The following CDKAL1 variants were observed in gnomAD, a reference collection of about 807,000 sequenced individuals.
CDKAL1 encodes CDKAL1 threonylcarbamoyladenosine tRNA methylthiotransferase.
Under a neutral mutation model 68.2 loss-of-function variants are expected in CDKAL1, and 32 were observed. The observed-to-expected ratio is 0.47, with a 90% CI of 0.35 to 0.63. CDKAL1 has a LOEUF of 0.63. CDKAL1 is among the 30% of genes least tolerant of loss of function. The pLI is 0.00. For missense variants in CDKAL1, 606 were observed against 696.7 expected, an observed-to-expected ratio of 0.87 and a Z score of 1.47; for synonymous variants, 234 against 244.3, an observed-to-expected ratio of 0.96 and a Z score of 0.39.
chr6:21,203,087 T>C (rs1431208962), intron 15 of CDKAL1, among the ~76,000 whole-genome samples: 2 of 152,090 alleles, frequency 1.3e-5, no homozygotes, highest in African/African-American at 4.8e-5. Context: ...TCTCCCTCTG[T>C]CACCCAGGCT....
At position 20,986,528 on chromosome 6, in the gene CDKAL1, G is replaced by GT. The variant is rs551098345; in HGVS notation, c.910-13691dup. ...TTTATGTGCACTACTTATTTTATGC[G>GT]TTTTTTTTCTAAGGGAATGGGACAG... On this transcript the variant is annotated intron_variant, in intron 10 of 15. Coordinates refer to ENST00000274695, the MANE Select transcript of CDKAL1 (RefSeq NM_017774.3). Among the ~76,000 whole-genome samples, 65 of 151,118 alleles carry GT rather than the reference G, an allele frequency of 4.3e-4. No homozygotes were observed. The East Asian group carries it at 7.4e-3, about 17-fold the overall frequency.
intron 9 of CDKAL1, among the ~76,000 whole-genome samples, chr6:20,885,568 G>A (rs532174335): frequency 3.8e-4 from 58 of 152,040 alleles, no homozygotes; most frequent in Middle Eastern, 6.8e-3. Flanking sequence ...GAAAACACAG[G>A]GGTAAATCTT....
At chr6:21,133,942 T>TTA (rs1775451369) in intron 13 of CDKAL1, among the ~76,000 whole-genome samples, 2 of 152,312 alleles carry the variant, frequency 1.3e-5, no homozygotes, top group East Asian at 1.9e-4. Context: ...CATATTTACT[T>TTA]TATATATATG....
chr6:20,779,439 A>C (rs1775317510), intron 7 of CDKAL1, among the ~76,000 whole-genome samples: 1 of 152,218 alleles, frequency 6.6e-6, no homozygotes, highest in African/African-American at 2.4e-5. Context: ...TGGTATGTGA[A>C]TAGAGATAGA....
chr6:20,547,491 T>C (rs1418791036), intron 3 of CDKAL1, among the ~76,000 whole-genome samples: 1 of 152,182 alleles, frequency 6.6e-6, no homozygotes, highest in African/African-American at 2.4e-5. Flanking sequence ...TACGCTATTA[T>C]AGTAGATCTC....
intron 11 of CDKAL1, among the ~76,000 whole-genome samples, chr6:21,053,230 G>A (rs1469409941): frequency 6.6e-6 from 1 of 152,168 alleles, no homozygotes; most frequent in African/African-American, 2.4e-5. Flanking sequence ...ATCACAATAA[G>A]CAATCCTTCG....
At chr6:20,696,825 A>G (rs1351790734) in intron 5 of CDKAL1, among the ~76,000 whole-genome samples, 1 of 152,138 alleles carries the variant, frequency 6.6e-6, no homozygotes, top group Non-Finnish European at 1.5e-5. Flanking sequence ...AGCTTTCCCC[A>G]GTTAGGACTT....
Position 21,170,168 on chromosome 6 carries a change from G to C in CDKAL1, c.1300-27853G>C, listed in dbSNP as rs114016485. Among the ~76,000 whole-genome samples the C allele has an allele frequency of 6.4e-3, 975 of 152,324 alleles. 10 individuals are homozygous for C. Among genetic ancestry groups the C allele is most frequent in the African/African-American group, 0.023 (939 of 41,582 alleles). On this transcript the variant is annotated intron_variant, in intron 13 of 15. Transcript: ENST00000274695. ...TGTCTGATAAAATGCTGGAAGCATG[G>C]CACCTGAGATGGTCACTGGGACCAT...
At chr6:21,014,356 C>T (rs912393550) in intron 11 of CDKAL1, among the ~76,000 whole-genome samples, 1 of 152,176 alleles carries the variant, frequency 6.6e-6, no homozygotes, top group Non-Finnish European at 1.5e-5. Context: ...GTAATCCCAG[C>T]ACTTTGGGAG....
At chr6:20,817,024 C>T (rs190100827) in intron 8 of CDKAL1, among the ~76,000 whole-genome samples, 1 of 152,238 alleles carries the variant, frequency 6.6e-6, no homozygotes, top group Admixed American at 6.5e-5. Context: ...GTGTGTTATG[C>T]ACTGCGCTAT....
chr6:20,674,196 CT>C (rs1338206529), intron 5 of CDKAL1, among the ~76,000 whole-genome samples: 41 of 151,750 alleles, frequency 2.7e-4, no homozygotes, highest in African/African-American at 9.7e-4. Context: ...AGTTTTAATT[CT>C]TTGCTTTCAA....
chr6:20,806,060 A>T (rs1776559990), intron 8 of CDKAL1, among the ~76,000 whole-genome samples: 1 of 152,160 alleles, frequency 6.6e-6, no homozygotes, highest in African/African-American at 2.4e-5. Context: ...TAGGTAAATT[A>T]TATGTCACAG....
At chr6:20,975,893 C>A (rs1249054655) in intron 10 of CDKAL1, among the ~76,000 whole-genome samples, 1 of 152,086 alleles carries the variant, frequency 6.6e-6, no homozygotes, top group Non-Finnish European at 1.5e-5. Context: ...CACTCAAAGC[C>A]CATTGTTTTC....
chr6:20,759,328 G>C (rs1360119685), intron 7 of CDKAL1, among the ~76,000 whole-genome samples: 1 of 152,070 alleles, frequency 6.6e-6, no homozygotes, highest in Non-Finnish European at 1.5e-5. Flanking sequence ...GATTGCTTGA[G>C]CCCAGGAGTT....
intron 13 of CDKAL1, among the ~76,000 whole-genome samples, chr6:21,151,110 G>C (rs1381169955): frequency 1.3e-5 from 2 of 152,144 alleles, no homozygotes. Flanking sequence ...TCATTTCCAA[G>C]CCAACAATTT....
rs4712575 is a variant in CDKAL1 at position 20,980,062 on chromosome 6, C to A, written c.910-20165C>A. 3.3e-5 allele frequency among the ~76,000 whole-genome samples: 5 copies of A among 151,848 alleles called. No homozygotes were observed. The East Asian group carries it at 9.7e-4, about 30-fold the overall frequency. On this transcript the variant is annotated intron_variant, in intron 10 of 15. Transcript: ENST00000274695. ...CTCGGATTACAGGCGTGAGCCACCA[C>A]GCCTGGCCAATTCAATATATTTATA...
intron 13 of CDKAL1, among the ~76,000 whole-genome samples, chr6:21,129,323 CCT>C (rs1316417592): frequency 1.8e-4 from 28 of 151,876 alleles, no homozygotes; most frequent in Non-Finnish European, 3.2e-4. Flanking sequence ...AAAAAAGAAA[CCT>C]AACCAGCTGG....
chr6:20,865,373 A>G (rs770715544), intron 9 of CDKAL1, among the ~76,000 whole-genome samples: 2 of 152,268 alleles, frequency 1.3e-5, no homozygotes, highest in Admixed American at 6.5e-5. Context: ...TGCCATCACA[A>G]TGCTCTTGAA....
intron 9 of CDKAL1, among the ~76,000 whole-genome samples, chr6:20,859,431 C>T (rs907669952): frequency 9.9e-5 from 15 of 152,130 alleles, no homozygotes; most frequent in South Asian, 6.2e-4. Context: ...AAAAGAACTG[C>T]GGAATAGGAG....
Sources: gnomAD v4.1 joint callset for allele counts (sites outside exome capture counted in the v4.1 genomes callset) on GRCh38, gnomAD v4.1.1 for gene constraint, MANE v1.5 for transcripts, NCBI Gene and HGNC (gene_info 2026-07-23, HGNC 2026-07-21) for gene names.